Variants in CDC42BPB observed in about 807,000 individuals in gnomAD.
CDC42BPB encodes the protein CDC42 binding protein kinase beta, also known as serine/threonine-protein kinase MRCK beta.
In CDC42BPB, 37 loss-of-function variants were observed where a neutral mutation model predicts 214.9. The observed-to-expected ratio is 0.17, with a 90% CI of 0.13 to 0.23. CDC42BPB has a LOEUF of 0.23. CDC42BPB is among the 10% of genes least tolerant of loss of function. CDC42BPB has a pLI of 1.00. For synonymous variants in CDC42BPB, 931 were observed against 884.0 expected (o/e 1.05, Z -0.94); for missense variants, 1,694 against 2,227.0 (o/e 0.76, Z 4.82).
At chr14:102,995,484 T>C (rs1894686221) in intron 5 of CDC42BPB, among the ~76,000 whole-genome samples, 1 of 152,216 alleles carries the variant, frequency 6.6e-6, no homozygotes, top group Admixed American at 6.5e-5. Flanking sequence ...GTTCTCTCTC[T>C]GAAACCCTTT....
At chr14:102,941,359 T>G in intron 30 of CDC42BPB, 1 of 985,454 alleles carries the variant, frequency 1.0e-6, no homozygotes, top group African/African-American at 1.7e-5. Context: ...TCTGTTTCTA[T>G]CACAGACTCC....
intron 1 of CDC42BPB, among the ~76,000 whole-genome samples, chr14:103,050,034 G>A (rs953874352): frequency 2.6e-5 from 4 of 152,248 alleles, no homozygotes; most frequent in African/African-American, 4.8e-5. Flanking sequence ...CTAAAGCTAA[G>A]ATTAGATGCG....
chr14:103,051,663 T>C (rs560878170), intron 1 of CDC42BPB, among the ~76,000 whole-genome samples: 2 of 152,396 alleles, frequency 1.3e-5, no homozygotes, highest in East Asian at 3.9e-4. Flanking sequence ...GTAATTTACA[T>C]GCATTTGAGT....
intron 1 of CDC42BPB, among the ~76,000 whole-genome samples, chr14:103,038,715 C>CGGGGGGGG (rs34311134): frequency 1.0e-4 from 3 of 29,152 alleles, no homozygotes; most frequent in African/African-American, 3.2e-4. Flanking sequence ...TTTGTAGAGA[C>CGGGGGGGG]GGGGGGGGGG....
rs534584940 is a variant in CDC42BPB, at chr14:102,954,143, T to C, written c.3066+55A>G. 3.5e-5 allele frequency: 40 copies of C among 1,151,824 alleles called. No individual in the cohort carries two copies. In the African/African-American group the frequency reaches 4.8e-4, roughly 14 times the overall value. The allele number at this position is 1,151,824 out of a possible 1,614,324, so 71.4% of individuals were successfully genotyped here. A position where few individuals can be genotyped will look rare whatever the true frequency, so the allele number is the denominator to read the frequency against. On this transcript the variant is annotated intron_variant, in intron 23 of 36. Transcript: ENST00000361246. ...AACTTATTTTCTAAATAACTGAGAA[T>C]AAATAAACAACTAAATAACTAAGAA...
At chr14:102,963,825 A>G (rs954156370) in intron 19 of CDC42BPB, among the ~76,000 whole-genome samples, 1 of 152,266 alleles carries the variant, frequency 6.6e-6, no homozygotes, top group Admixed American at 6.5e-5. Flanking sequence ...ACCTATTACC[A>G]TTAATTTTTT....
intron 1 of CDC42BPB, chr14:103,041,922 G>A (rs1269411646): frequency 1.5e-5 from 6 of 402,214 alleles, no homozygotes; most frequent in African/African-American, 2.1e-5. Flanking sequence ...TGACAGGACC[G>A]GTCATGCCCA....
At position 103,057,115 on chromosome 14, in the gene CDC42BPB, C is replaced by T. The variant is rs201340035; in HGVS notation, c.59G>A (p.Arg20His). 5 of 1,519,638 alleles carry T rather than the reference C, an allele frequency of 3.3e-6. No individual in the cohort carries two copies. In the East Asian group the frequency reaches 1.1e-4, roughly 32 times the overall value. 94.1% of individuals were successfully genotyped at this position (1,519,638 alleles called of 1,614,324 possible). ...LEQLLLDGPW[R>H]NESALSVETL... ...TTCCACGCTCAGGGCGCTCTCGTTG[C>T]GCCAGGGCCCGTCCAGGAGCAGCTG... Residue 20 changes from arginine (R) to histidine (H), a missense_variant, in exon 1 of 37, where the codon CGC becomes CAC. By Grantham distance (29) the Arg-to-His change is conservative. Around this residue, in one of 7 missense-constraint regions of CDC42BPB, gnomAD observed 83 missense variants for 79.9 expected, o/e 1.04. Coordinates refer to ENST00000361246, the MANE Select transcript of CDC42BPB (RefSeq NM_006035.4).
chr14:103,014,942 C>A (rs1886373490), intron 1 of CDC42BPB, among the ~76,000 whole-genome samples: 2 of 152,350 alleles, frequency 1.3e-5, no homozygotes, highest in South Asian at 2.1e-4. Context: ...CCCGGAACGT[C>A]CTCTCTTTTC....
intron 28 of CDC42BPB, among the ~76,000 whole-genome samples, chr14:102,946,266 G>A (rs957549913): frequency 2.6e-5 from 4 of 151,916 alleles, no homozygotes; most frequent in African/African-American, 4.8e-5. Context: ...CTTGTGATCC[G>A]CCCGCCTTGG....
Position 102,971,883 on chromosome 14 carries a change from C to T in CDC42BPB, c.1884+36G>A, listed in dbSNP as rs1893487776. On this transcript the variant is annotated intron_variant, in intron 13 of 36. Coordinates refer to ENST00000361246, the MANE Select transcript of CDC42BPB (RefSeq NM_006035.4). ...GTTTTATAAAAGTCACACAAATGTC[C>T]AGTCGATACCATCCCTGAACCATCT... 1.9e-6 allele frequency: 3 copies of T among 1,589,016 alleles called. No individual in the cohort carries two copies. In the East Asian group the frequency reaches 6.8e-5, roughly 36 times the overall value.
At chr14:102,977,956 A>G (rs17589695) in intron 9 of CDC42BPB, among the ~76,000 whole-genome samples, 170 bp downstream of exon 9, 9,348 of 152,244 alleles carry the variant, frequency 0.061, 340 homozygotes, top group African/African-American at 0.097. Flanking sequence ...ACCTGTAGTC[A>G]TCAGGTGTGC....
chr14:102,938,565 A>T (rs1044811193), intron 34 of CDC42BPB, 154 bp from the exon 35 acceptor site: 5 of 985,280 alleles, frequency 5.1e-6, no homozygotes, highest in Non-Finnish European at 6.0e-6. Context: ...GGTTCTGGAC[A>T]GTCTGGAACT....
intron 1 of CDC42BPB, among the ~76,000 whole-genome samples, chr14:103,019,002 G>A (rs1444379717): frequency 1.3e-5 from 2 of 152,170 alleles, no homozygotes; most frequent in East Asian, 3.9e-4. Flanking sequence ...GGAGTGCAGT[G>A]GAGTGATCAC....
At chr14:102,974,826 T>A (rs1424254614) in intron 11 of CDC42BPB, among the ~76,000 whole-genome samples, 1 of 151,884 alleles carries the variant, frequency 6.6e-6, no homozygotes, top group South Asian at 2.1e-4. Flanking sequence ...CCAGGCGTGG[T>A]GGGGGGCTAC....
chr14:102,947,132 T>C (rs1393551866), intron 27 of CDC42BPB, among the ~76,000 whole-genome samples: 1 of 152,182 alleles, frequency 6.6e-6, no homozygotes, highest in African/African-American at 2.4e-5. Context: ...TCCTGTACTG[T>C]GTATGACAGG....
chr14:103,049,539 T>C (rs183728809), intron 1 of CDC42BPB, among the ~76,000 whole-genome samples: 90 of 152,374 alleles, frequency 5.9e-4, no homozygotes, highest in African/African-American at 2.1e-3. Context: ...AGTGGTAGTC[T>C]GTGGGAAGTT....
At chr14:102,942,358 C>A (rs1476655322) in intron 30 of CDC42BPB, among the ~76,000 whole-genome samples, 1 of 152,206 alleles carries the variant, frequency 6.6e-6, no homozygotes, top group African/African-American at 2.4e-5. Context: ...ATGATGCCGT[C>A]TCAGCAAGGC....
chr14:102,939,985 C>A, intron 32 of CDC42BPB, 38 bp from the exon 33 acceptor site: 3 of 1,613,732 alleles, frequency 1.9e-6, no homozygotes, highest in Non-Finnish European at 2.5e-6. Flanking sequence ...TGCTGCGGCA[C>A]CAGGGACACA....
Sources: allele counts gnomAD v4.1 joint callset (sites outside exome capture counted in the v4.1 genomes callset), GRCh38; gene constraint gnomAD v4.1.1; regional missense constraint gnomAD v4.1.1; transcripts MANE v1.5; gene names NCBI Gene and HGNC (gene_info 2026-07-23, HGNC 2026-07-21).